The following PLPP3 variants were observed in gnomAD, a reference collection of about 807,000 sequenced individuals.
PLPP3 encodes phospholipid phosphatase 3.
Under a neutral mutation model 29.6 loss-of-function variants are expected in PLPP3, and 6 were observed. The ratio of observed to expected loss-of-function variants is 0.20; its 90% CI spans 0.11 to 0.40. The LOEUF (loss-of-function observed/expected upper bound fraction) is 0.40. Ranked by LOEUF, PLPP3 falls within the 10% of genes least tolerant of loss-of-function variation. The pLI, the probability that PLPP3 is intolerant of heterozygous loss-of-function variation, is 1.00. For synonymous variants in PLPP3, 152 were observed against 159.7 expected (o/e 0.95, Z 0.36); for missense variants, 308 against 407.7 (o/e 0.76, Z 2.11).
chr1:56,547,711 G>A (rs1278540197), intron 1 of PLPP3, among the ~76,000 whole-genome samples: 1 of 152,136 alleles, frequency 6.6e-6, no homozygotes. Flanking sequence ...GCTGCCCAAG[G>A]GCTAAGGGAT....
chr1:56,522,898 G>A (rs1194292371), intron 4 of PLPP3, among the ~76,000 whole-genome samples: 1 of 152,172 alleles, frequency 6.6e-6, no homozygotes, highest in Non-Finnish European at 1.5e-5. Context: ...GGCAAGGCAG[G>A]GAAACCCACA....
chr1:56,496,568 G>T lies in PLPP3; in HGVS notation c.919C>A (p.His307Asn). The T allele has an allele frequency of 6.2e-7, 1 of 1,614,106 alleles. No homozygotes were observed. Among genetic ancestry groups the T allele is most frequent in the South Asian group, 1.1e-5 (1 of 91,076 alleles). Residue 307 changes from histidine to asparagine, a missense_variant, in exon 6 of 6, where the codon CAC becomes AAC. Physicochemically the swap from His to Asn is moderately conservative, Grantham distance 68 (BLOSUM62 1). Transcript: ENST00000371250. ...GGTGGCACCTACATCATGTTGTGGT[G>T]ATTGTTCCTGTCAATAATGTCCACA... ...SPVDIIDRNN[H>N]HNMM
Position 56,524,545 on chromosome 1 carries a change from C to T in PLPP3, c.307G>A (p.Gly103Arg). 6.2e-7 allele frequency: 1 copy of T among 1,608,186 alleles called. No individual in the cohort carries two copies. Among genetic ancestry groups the T allele is most frequent in the Non-Finnish European group, 8.5e-7 (1 of 1,174,852 alleles). ...IVIAILAIIT[G>R]EFYRIYYLKK... Reference sequence around the variant, plus strand: ...AGGTAATAGATCCGGTAGAATTCCCCCGTGATGATCTAAAAGGAATCCAAC... The same window carrying T: ...AGGTAATAGATCCGGTAGAATTCCCTCGTGATGATCTAAAAGGAATCCAAC... Residue 103 changes from glycine to arginine, a missense_variant, in exon 3 of 6, where the codon GGG becomes AGG. By Grantham distance (125) the Gly-to-Arg change is moderately radical. Coordinates refer to ENST00000371250, the MANE Select transcript of PLPP3 (RefSeq NM_003713.5). The surrounding 1 kb of genome is among the most constrained non-coding windows in gnomAD (Gnocchi z 4.3).
chr1:56,542,175 T>C (rs983600930), intron 1 of PLPP3, among the ~76,000 whole-genome samples: 2 of 152,078 alleles, frequency 1.3e-5, no homozygotes, highest in African/African-American at 4.8e-5. Context: ...CTGTGTTGGG[T>C]TCAGGCCTTT....
rs1460574082 is a variant in PLPP3 at position 56,524,253 on chromosome 1, G to C, written c.575+24C>G. The C allele has an allele frequency of 2.5e-6, 4 of 1,611,686 alleles. No individual in the cohort carries two copies. The highest frequency in any genetic ancestry group is 3.4e-6 in the Non-Finnish European group (4 of 1,179,298). On this transcript the variant is annotated intron_variant, in intron 3 of 5. Coordinates refer to ENST00000371250, the MANE Select transcript of PLPP3 (RefSeq NM_003713.5). The surrounding 1 kb of genome is among the most constrained non-coding windows in gnomAD (Gnocchi z 4.3). ...ACTGTATGAAAGGGGTCCAGGCTCT[G>C]GCCATGCGGAGGTGGTGTCTCACCT...
chr1:56,519,410 GT>G (rs1645804059), intron 4 of PLPP3, among the ~76,000 whole-genome samples: 1 of 152,258 alleles, frequency 6.6e-6, no homozygotes, highest in South Asian at 2.1e-4. Flanking sequence ...ATTGTGTACT[GT>G]TTCTCTAGAC....
intron 5 of PLPP3, among the ~76,000 whole-genome samples, chr1:56,506,485 C>T (rs570852331): frequency 1.1e-4 from 17 of 152,266 alleles, no homozygotes; most frequent in South Asian, 6.2e-4. Context: ...GCCACACCCC[C>T]GGGAAGAGGA....
At chr1:56,498,479 C>T (rs1645643961) in intron 5 of PLPP3, among the ~76,000 whole-genome samples, 1 of 152,112 alleles carries the variant, frequency 6.6e-6, no homozygotes, top group African/African-American at 2.4e-5. Flanking sequence ...TCCCTTATCT[C>T]CCCCAGTGGC....
rs1263795829 is a variant in PLPP3 at position 56,495,999 on chromosome 1, GA to G, written c.*551del. ...GGAGGTGATAAGGCCTTAGAACTGG[GA>G]ATCTAGATTCGGGATCTGATCACTT... is the stretch of plus-strand genomic sequence containing the variant. On this transcript the variant is annotated 3_prime_UTR_variant, in exon 6 of 6. Coordinates refer to ENST00000371250, the MANE Select transcript of PLPP3 (RefSeq NM_003713.5). The G allele has an allele frequency of 6.5e-6, 1 of 153,128 alleles. No individual in the cohort carries two copies. The highest frequency in any genetic ancestry group is 1.5e-5 in the Non-Finnish European group (1 of 68,406). The allele number at this position is 153,128 out of a possible 1,614,324, so 9.5% of individuals were successfully genotyped here.
chr1:56,554,150 T>C (rs936699123), intron 1 of PLPP3, among the ~76,000 whole-genome samples: 15 of 152,038 alleles, frequency 9.9e-5, no homozygotes, highest in South Asian at 4.1e-4. Flanking sequence ...AATAGATTTG[T>C]GTTTAAAGCT....
At chr1:56,523,912 C>T (rs768763950) in intron 3 of PLPP3, 32 bp from the exon 4 acceptor site, 19 of 1,601,398 alleles carry the variant, frequency 1.2e-5, no homozygotes, top group African/African-American at 5.4e-5. Context: ...ATGAAAGGGC[C>T]GTATTCACAT....
chr1:56,508,113 T>C (rs1645715531), intron 5 of PLPP3, among the ~76,000 whole-genome samples: 1 of 152,232 alleles, frequency 6.6e-6, no homozygotes, highest in Admixed American at 6.5e-5. Context: ...GGTAATTTGT[T>C]ACAGCAGCCA....
At chr1:56,537,361 T>C (rs1645935296) in intron 1 of PLPP3, among the ~76,000 whole-genome samples, 2 of 151,982 alleles carry the variant, frequency 1.3e-5, no homozygotes, top group Admixed American at 1.3e-4. Context: ...AGCTCGGAGG[T>C]AGGCAGTGAA....
chr1:56,508,982 C>T (rs1164239655), intron 5 of PLPP3, among the ~76,000 whole-genome samples: 2 of 152,190 alleles, frequency 1.3e-5, no homozygotes, highest in Non-Finnish European at 2.9e-5. Context: ...CATTTCCAAA[C>T]TTTTATTCTC....
At chr1:56,546,732 A>G (rs1057381478) in intron 1 of PLPP3, among the ~76,000 whole-genome samples, 4 of 152,196 alleles carry the variant, frequency 2.6e-5, no homozygotes, top group African/African-American at 9.7e-5. Context: ...GAAAGCCCTT[A>G]CCAAATTGAC....
intron 5 of PLPP3, among the ~76,000 whole-genome samples, chr1:56,510,175 C>A (rs1645730784): frequency 6.6e-6 from 1 of 152,186 alleles, no homozygotes; most frequent in African/African-American, 2.4e-5. Context: ...CCCCCGCGGG[C>A]TGTCCTCCTG....
intron 2 of PLPP3, among the ~76,000 whole-genome samples, chr1:56,533,650 C>G (rs1645905759): frequency 6.6e-6 from 1 of 152,178 alleles, no homozygotes; most frequent in South Asian, 2.1e-4. Context: ...ACGCTGTAAA[C>G]TGTACAACAC....
chr1:56,503,833 T>C lies in PLPP3; in HGVS notation c.811-7157A>G, dbSNP rs539117159. Among the ~76,000 whole-genome samples, 5 of 152,280 alleles carry C rather than the reference T, an allele frequency of 3.3e-5. No homozygotes were observed. In the East Asian group the frequency reaches 9.7e-4, roughly 29 times the overall value. ...TCTTGCTCTGTCGCTCAGGCTGGAG[T>C]GCAGTGCACGATCTCCACTCACTGC... On this transcript the variant is annotated intron_variant, in intron 5 of 5. Coordinates refer to ENST00000371250, the MANE Select transcript of PLPP3 (RefSeq NM_003713.5).
At chr1:56,522,773 G>C (rs1297696856) in intron 4 of PLPP3, among the ~76,000 whole-genome samples, 1 of 152,148 alleles carries the variant, frequency 6.6e-6, no homozygotes, top group Non-Finnish European at 1.5e-5. Context: ...TTTTCAAACA[G>C]CTTGTGCTCC....
Sources: allele counts gnomAD v4.1 joint callset (sites outside exome capture counted in the v4.1 genomes callset), GRCh38; gene constraint gnomAD v4.1.1; non-coding constraint Gnocchi (gnomAD v3.1); transcripts MANE v1.5; gene names NCBI Gene and HGNC (gene_info 2026-07-23, HGNC 2026-07-21).